Variants in NTM observed in about 807,000 individuals in gnomAD.
NTM encodes neurotrimin.
In NTM, 13 loss-of-function variants were observed where a neutral mutation model predicts 42.1. The observed-to-expected ratio is 0.31, with a 90% confidence interval of 0.20 to 0.49. The LOEUF (loss-of-function observed/expected upper bound fraction) is 0.49. NTM is among the 20% of genes least tolerant of loss of function. NTM has a pLI of 0.99. For missense variants in NTM, 373 were observed against 452.8 expected (o/e 0.82, Z 1.60); for synonymous variants, 187 against 179.2 (o/e 1.04, Z -0.35).
At chr11:131,394,540 C>T (rs1371664858) in intron 1 of NTM, among the ~76,000 whole-genome samples, 1 of 152,166 alleles carries the variant, frequency 6.6e-6, no homozygotes, top group African/African-American at 2.4e-5. Context: ...GGAGCCATGC[C>T]TTCACCTCTC....
At chr11:132,009,648 C>T (rs1424262462) in intron 2 of NTM, among the ~76,000 whole-genome samples, 2 of 152,206 alleles carry the variant, frequency 1.3e-5, no homozygotes, top group African/African-American at 4.8e-5. Context: ...GTTTTGCACG[C>T]CACACTTGGA....
intron 1 of NTM, among the ~76,000 whole-genome samples, chr11:131,867,619 T>C (rs182546451): frequency 6.2e-4 from 95 of 152,168 alleles, no homozygotes; most frequent in Non-Finnish European, 9.7e-4. Context: ...TATGTATGCA[T>C]GTGTGTGTCT....
Position 132,118,640 on chromosome 11 carries a change from G to C in NTM, c.168-27642G>C, listed in dbSNP as rs966435764. Among the ~76,000 whole-genome samples the C allele has an allele frequency of 2.0e-5, 3 of 152,080 alleles. No individual in the cohort carries two copies. The East Asian group carries it at 5.8e-4, about 29-fold the overall frequency. ...TTCTGTCCTCAAGAGCCACGGAAAG[G>C]GTACCAGAAATAGATGAGAGCCCAC... On this transcript the variant is annotated intron_variant, in intron 2 of 8. Transcript: ENST00000683400.
At chr11:132,025,225 T>C (rs1003898422) in intron 2 of NTM, among the ~76,000 whole-genome samples, 1 of 152,166 alleles carries the variant, frequency 6.6e-6, no homozygotes, top group Admixed American at 6.5e-5. Context: ...GTCATTCACA[T>C]GCCGTTGGGC....
chr11:131,920,942 A>C (rs1319439635), intron 2 of NTM, among the ~76,000 whole-genome samples: 3 of 152,328 alleles, frequency 2.0e-5, no homozygotes, highest in East Asian at 3.9e-4. Flanking sequence ...GAGTGAAAAA[A>C]ATGCTCTCAC....
intron 1 of NTM, among the ~76,000 whole-genome samples, chr11:131,859,108 G>A (rs2046373526): frequency 6.6e-6 from 1 of 152,116 alleles, no homozygotes; most frequent in Non-Finnish European, 1.5e-5. Context: ...CCATCCATGT[G>A]TGCATCCGTC....
intron 2 of NTM, among the ~76,000 whole-genome samples, chr11:132,037,349 C>G (rs2076633289): frequency 6.6e-6 from 1 of 152,182 alleles, no homozygotes; most frequent in Admixed American, 6.5e-5. Context: ...GAGGCCCTCA[C>G]TGCCACGCTT....
chr11:131,680,001 T>C (rs2739265), intron 1 of NTM, among the ~76,000 whole-genome samples: 113,262 of 152,080 alleles, frequency 0.74, 42,376 homozygotes, highest in East Asian at 0.8. Context: ...TGAGAAAGAA[T>C]GATATTTTAT....
At chr11:132,083,652 AG>A (rs1185119689) in intron 2 of NTM, among the ~76,000 whole-genome samples, 1 of 152,174 alleles carries the variant, frequency 6.6e-6, no homozygotes, top group African/African-American at 2.4e-5. Flanking sequence ...CAATATCCCC[AG>A]GGGGCTTTTA....
chr11:131,860,706 C>A (rs1243674226), intron 1 of NTM, among the ~76,000 whole-genome samples: 1 of 152,204 alleles, frequency 6.6e-6, no homozygotes, highest in Non-Finnish European at 1.5e-5. Context: ...GCAAGCAGGC[C>A]TTTCTAAGGG....
At position 131,953,171 on chromosome 11, in the gene NTM, C is replaced by T. The variant is rs530763841; in HGVS notation, c.167+41523C>T. ...TGGCTTTCAGGCATCAGGGAAAGACCGGACCATCTGTTGCCATGGCAACAT... is the reference window on the plus strand; with the variant it reads ...TGGCTTTCAGGCATCAGGGAAAGACTGGACCATCTGTTGCCATGGCAACAT... On this transcript the variant is annotated intron_variant, in intron 2 of 8. Transcript: ENST00000683400. 8.5e-5 allele frequency among the ~76,000 whole-genome samples: 13 copies of T among 152,160 alleles called. No individual in the cohort carries two copies. The South Asian group carries it at 1.5e-3, about 17-fold the overall frequency.
intron 3 of NTM, among the ~76,000 whole-genome samples, chr11:132,179,645 G>A (rs185953136): frequency 6.6e-5 from 10 of 152,320 alleles, no homozygotes; most frequent in African/African-American, 2.2e-4. Context: ...TTGGAAGACG[G>A]TTTGAAGAGG....
At chr11:131,763,508 G>A (rs948973798) in intron 1 of NTM, among the ~76,000 whole-genome samples, 2 of 152,150 alleles carry the variant, frequency 1.3e-5, no homozygotes, top group Non-Finnish European at 2.9e-5. Flanking sequence ...CACATGATAA[G>A]CTGTTCAGTT....
At chr11:131,950,720 G>A (rs1434384714) in intron 2 of NTM, among the ~76,000 whole-genome samples, 1 of 152,126 alleles carries the variant, frequency 6.6e-6, no homozygotes. Context: ...AGACTGCCTG[G>A]CATACATGCT....
intron 1 of NTM, among the ~76,000 whole-genome samples, chr11:131,414,922 G>A (rs924193518): frequency 2.6e-5 from 4 of 152,102 alleles, no homozygotes; most frequent in Non-Finnish European, 5.9e-5. Flanking sequence ...AAAGCAAATT[G>A]TGCATCCCTA....
intron 2 of NTM, among the ~76,000 whole-genome samples, chr11:131,945,591 C>G (rs2060257073): frequency 6.6e-6 from 1 of 152,144 alleles, no homozygotes; most frequent in African/African-American, 2.4e-5. Context: ...CAATATTTAC[C>G]TAAAATTGCC....
At chr11:132,149,471 A>G (rs1247400352) in intron 3 of NTM, among the ~76,000 whole-genome samples, 3 of 152,190 alleles carry the variant, frequency 2.0e-5, no homozygotes, top group East Asian at 1.9e-4. Context: ...GCCCATGAGT[A>G]TGTGTATTTA....
At chr11:131,799,854 A>T (rs1333888061) in intron 1 of NTM, among the ~76,000 whole-genome samples, 1 of 152,216 alleles carries the variant, frequency 6.6e-6, no homozygotes, top group Non-Finnish European at 1.5e-5. Flanking sequence ...GATGGAAGGC[A>T]TCTGGGTTTG....
At chr11:131,492,421 G>T (rs562697923) in intron 1 of NTM, among the ~76,000 whole-genome samples, 3 of 151,968 alleles carry the variant, frequency 2.0e-5, no homozygotes, top group South Asian at 4.2e-4. Context: ...ACATCTTTAT[G>T]TATAACGCTA....
Sources: gnomAD v4.1 joint callset for allele counts (sites outside exome capture counted in the v4.1 genomes callset) on GRCh38, gnomAD v4.1.1 for gene constraint, MANE v1.5 for transcripts, NCBI Gene and HGNC (gene_info 2026-07-23, HGNC 2026-07-21) for gene names.